MCF2L: variants seen among roughly 807,000 people sequenced by gnomAD.
MCF2L encodes MCF.2 cell line derived transforming sequence like.
Under a neutral mutation model 153.4 loss-of-function variants are expected in MCF2L, and 97 were observed. The ratio of observed to expected loss-of-function variants is 0.63; its 90% CI spans 0.54 to 0.75. The LOEUF is 0.75. Ranked by LOEUF, MCF2L falls within the 30% of genes least tolerant of loss-of-function variation. MCF2L has a pLI of 0.00. For missense variants in MCF2L, 1,347 were observed against 1,495.2 expected, an observed-to-expected ratio of 0.90 and a Z score of 1.64; for synonymous variants, 659 against 632.2, an observed-to-expected ratio of 1.04 and a Z score of -0.64.
intron 2 of MCF2L, among the ~76,000 whole-genome samples, chr13:112,926,705 C>T (rs1294003982): frequency 6.6e-6 from 1 of 152,064 alleles, no homozygotes; most frequent in East Asian, 1.9e-4. Flanking sequence ...TGAAATAAGC[C>T]AGGCACAAAA....
intron 2 of MCF2L, among the ~76,000 whole-genome samples, chr13:112,938,216 G>A (rs1187981293): frequency 5.0e-5 from 7 of 139,378 alleles, no homozygotes; most frequent in African/African-American, 1.9e-4. Flanking sequence ...GCGCTGAGGG[G>A]TTGGTTCAGG....
intron 2 of MCF2L, among the ~76,000 whole-genome samples, chr13:113,021,777 G>A (rs929386167): frequency 6.6e-6 from 1 of 152,202 alleles, no homozygotes; most frequent in Non-Finnish European, 1.5e-5. Context: ...TTTGGCGCCT[G>A]CTTTTCAGTC....
chr13:112,957,532 C>T (rs980081136), intron 2 of MCF2L: 9 of 150,790 alleles, frequency 6.0e-5, no homozygotes, highest in Admixed American at 4.7e-4. Flanking sequence ...CATGCCGCGC[C>T]TCCTCGCCAG....
intron 2 of MCF2L, among the ~76,000 whole-genome samples, chr13:112,911,922 A>G (rs1419291404): frequency 2.0e-5 from 3 of 152,256 alleles, no homozygotes; most frequent in Admixed American, 1.3e-4. Context: ...AAAAGGCTAC[A>G]CGCAGGCTAG....
rs767364794 is a variant in MCF2L, at chr13:113,031,154, CAG to C, written c.278+6402_278+6403del. ...AGAGACAGACAGAGACAGAGAGAGA[CAG>C]AGAGAAGAGACAGAGAGTGACAGAC... On this transcript the variant is annotated intron_variant, in intron 3 of 29. Transcript: ENST00000535094. The surrounding 1 kb of genome is among the most constrained non-coding windows in gnomAD (Gnocchi z 5.5). Among the ~76,000 whole-genome samples, 2 of 146,872 alleles carry C rather than the reference CAG, an allele frequency of 1.4e-5. No individual in the cohort carries two copies. The highest frequency in any genetic ancestry group is 1.4e-4 in the Admixed American group (2 of 14,768).
chr13:113,016,354 C>T (rs1435005475), intron 2 of MCF2L, among the ~76,000 whole-genome samples: 2 of 152,178 alleles, frequency 1.3e-5, no homozygotes, highest in African/African-American at 4.8e-5. Flanking sequence ...ACAAGAGCCG[C>T]CCCACGGGCA....
chr13:113,073,175 A>G (rs991468421), intron 9 of MCF2L, among the ~76,000 whole-genome samples: 1 of 152,152 alleles, frequency 6.6e-6, no homozygotes, highest in African/African-American at 2.4e-5. Context: ...TTGTAATCAG[A>G]GAACATACTC....
chr13:113,051,511 G>A (rs2087325750), intron 4 of MCF2L, among the ~76,000 whole-genome samples: 1 of 152,218 alleles, frequency 6.6e-6, no homozygotes, highest in Admixed American at 6.5e-5. Flanking sequence ...GTATCCAGCA[G>A]GGGTGGGAGA....
At chr13:112,992,261 C>T (rs1457861312) in intron 1 of MCF2L, among the ~76,000 whole-genome samples, 1 of 152,216 alleles carries the variant, frequency 6.6e-6, no homozygotes, top group African/African-American at 2.4e-5. Flanking sequence ...AATCCAAAAT[C>T]CGAAACATTT....
intron 3 of MCF2L, among the ~76,000 whole-genome samples, chr13:113,025,820 C>T (rs5026909): frequency 0.4 from 26,420 of 65,936 alleles, 3,266 homozygotes; most frequent in East Asian, 0.57. Context: ...GACTGTGGGT[C>T]GGGGCAGAGT....
chr13:112,949,592 G>A (rs749713405), intron 2 of MCF2L, among the ~76,000 whole-genome samples: 12 of 151,854 alleles, frequency 7.9e-5, no homozygotes, highest in African/African-American at 1.9e-4. Flanking sequence ...ATTAGTCAAC[G>A]TAATCTACCA....
At chr13:113,002,055 G>C (rs1217805511) in intron 1 of MCF2L, 2 of 1,417,332 alleles carry the variant, frequency 1.4e-6, no homozygotes, top group Non-Finnish European at 9.2e-7. Context: ...GACGCCGGGC[G>C]GGGGTGGACG....
At chr13:112,940,527 G>A (rs984888818) in intron 2 of MCF2L, among the ~76,000 whole-genome samples, 1 of 152,280 alleles carries the variant, frequency 6.6e-6, no homozygotes, top group African/African-American at 2.4e-5. Context: ...CGCTGCCTAT[G>A]TGGGTCACCT....
chr13:113,063,758 C>A, intron 5 of MCF2L: 1 of 437,548 alleles, frequency 2.3e-6, no homozygotes, highest in Middle Eastern at 3.3e-4. Flanking sequence ...CTCATGTCTC[C>A]TTTCTACGGC....
chr13:112,980,734 G>A (rs552546246), intron 1 of MCF2L, among the ~76,000 whole-genome samples: 10 of 151,312 alleles, frequency 6.6e-5, no homozygotes, highest in South Asian at 2.1e-4. Flanking sequence ...AGCTGAGCGT[G>A]CACCGTGTGG....
chr13:113,096,645 G>A lies in MCF2L; in HGVS notation c.3284G>A (p.Ser1095Asn), dbSNP rs945464893. 2 of 1,588,492 alleles carry A rather than the reference G, an allele frequency of 1.3e-6. No homozygotes were observed. The highest frequency in any genetic ancestry group is 1.7e-5 in the Admixed American group (1 of 58,584). ...LGPSGSAQCL[S>N]SSESSPGSAV... ...CCGTCCGGCTCGGCCCAGTGCCTGA[G>A]CAGCTCAGGTAAGGCCCACGTGCCC... The change falls in exon 29 of 30, where the codon AGC becomes AAC. Residue 1095 changes from serine (S) to asparagine (N), a missense_variant. Around this residue, in one of 3 missense-constraint regions of MCF2L, gnomAD observed 383 missense variants for 335.4 expected, o/e 1.14. Transcript: ENST00000535094.
At chr13:113,018,179 T>C (rs2084653083) in intron 2 of MCF2L, among the ~76,000 whole-genome samples, 1 of 152,142 alleles carries the variant, frequency 6.6e-6, no homozygotes, top group Non-Finnish European at 1.5e-5. Flanking sequence ...CCTCGGGGGC[T>C]CCGGACTCCT....
chr13:113,079,839 GAGAGTCCATACGGAA>G (rs2033922908), intron 15 of MCF2L, among the ~76,000 whole-genome samples: 1 of 80,624 alleles, frequency 1.2e-5, no homozygotes, highest in African/African-American at 4.6e-5. Context: ...CCAGGCAGAG[GAGAGTCCATACGGAA>G]GAGGGTCCAG....
chr13:113,072,050 A>G (rs2032972036), intron 9 of MCF2L, among the ~76,000 whole-genome samples: 2 of 152,186 alleles, frequency 1.3e-5, no homozygotes, highest in East Asian at 3.8e-4. Flanking sequence ...TCAGCACACA[A>G]GTTCAGTACG....
Sources: gnomAD v4.1 joint callset for allele counts (sites outside exome capture counted in the v4.1 genomes callset) on GRCh38, gnomAD v4.1.1 for gene constraint, gnomAD v4.1.1 regional missense constraint, Gnocchi (gnomAD v3.1) non-coding constraint, MANE v1.5 for transcripts, NCBI Gene and HGNC (gene_info 2026-07-23, HGNC 2026-07-21) for gene names.